ENTREP2: variants seen among roughly 807,000 people sequenced by gnomAD.
ENTREP2 encodes the protein endosomal transmembrane epsin interactor 2.
At chr15:29,197,697 C>T in the ENTREP2 span, among the ~76,000 whole-genome samples, 52 of 150,802 alleles carry the variant, frequency 3.4e-4, 1 homozygote, top group South Asian at 0.01. Flanking sequence ...ACCCAGGATG[C>T]GGAGGTTGCA....
At chr15:29,620,247 A>T in the ENTREP2 span, among the ~76,000 whole-genome samples, 1 of 152,122 alleles carries the variant, frequency 6.6e-6, no homozygotes, top group East Asian at 1.9e-4. Flanking sequence ...GGTGAATTGC[A>T]GGAGAAGCTG....
chr15:29,137,063 G>A, the ENTREP2 span: 2 of 1,453,902 alleles, frequency 1.4e-6, no homozygotes, highest in Non-Finnish European at 1.8e-6. Context: ...GTGTGCAGGT[G>A]TACTCTGGGG....
chr15:29,210,211 A>G, the ENTREP2 span, among the ~76,000 whole-genome samples: 1 of 152,162 alleles, frequency 6.6e-6, no homozygotes, highest in Non-Finnish European at 1.5e-5. Context: ...CCTGCCCTAA[A>G]TCATCCCAGG....
chr15:29,229,145 AG>A, the ENTREP2 span, among the ~76,000 whole-genome samples: 11 of 152,186 alleles, frequency 7.2e-5, no homozygotes, highest in African/African-American at 2.7e-4. Context: ...ATTTTTAAAA[AG>A]CTTTAGTGTT....
At chr15:29,125,204 T>C in the ENTREP2 span, among the ~76,000 whole-genome samples, 1 of 152,212 alleles carries the variant, frequency 6.6e-6, no homozygotes, top group Non-Finnish European at 1.5e-5. Flanking sequence ...AGTGGACCCA[T>C]GAGCCCCTCC....
the ENTREP2 span, among the ~76,000 whole-genome samples, chr15:29,657,484 G>GGGGGGGC: frequency 8.2e-5 from 1 of 12,140 alleles, no homozygotes; most frequent in Non-Finnish European, 1.9e-4. Context: ...CTGGGGGGGC[G>GGGGGGGC]GGGGGGGGGG....
chr15:29,603,474 G>A, the ENTREP2 span, among the ~76,000 whole-genome samples: 164 of 152,206 alleles, frequency 1.1e-3, no homozygotes, highest in Admixed American at 1.8e-3. Flanking sequence ...AAACAGAAAA[G>A]AACCTGCAAA....
the ENTREP2 span, among the ~76,000 whole-genome samples, chr15:29,531,866 A>G: frequency 6.6e-6 from 1 of 152,150 alleles, no homozygotes; most frequent in East Asian, 1.9e-4. Context: ...GGGTTTCACT[A>G]TGTTGGCCAG....
chr15:29,245,960 G>A, the ENTREP2 span, among the ~76,000 whole-genome samples: 32 of 152,272 alleles, frequency 2.1e-4, no homozygotes, highest in South Asian at 4.1e-4. Context: ...TCTGACTGCA[G>A]GGACGGTCTT....
chr15:29,372,562 C>T, the ENTREP2 span, among the ~76,000 whole-genome samples: 1 of 152,058 alleles, frequency 6.6e-6, no homozygotes, highest in African/African-American at 2.4e-5. Context: ...CTCTATATCC[C>T]CATCTCTAAA....
the ENTREP2 span, among the ~76,000 whole-genome samples, chr15:29,202,342 T>A: frequency 5.1e-3 from 777 of 152,274 alleles, 9 homozygotes; most frequent in African/African-American, 0.017. Flanking sequence ...AGTTTCTTTT[T>A]TTAATTTTAT....
the ENTREP2 span, among the ~76,000 whole-genome samples, chr15:29,309,642 T>C: frequency 8.5e-6 from 1 of 118,184 alleles, no homozygotes; most frequent in Non-Finnish European, 1.6e-5. Flanking sequence ...TACAAAAAAT[T>C]AGTCGTGTGT....
At chr15:29,657,360 T>C in the ENTREP2 span, among the ~76,000 whole-genome samples, 1 of 150,470 alleles carries the variant, frequency 6.6e-6, no homozygotes, top group Non-Finnish European at 1.5e-5. Context: ...GACGGCAGTG[T>C]TACAGTTCTT....
At chr15:29,332,972 A>C in the ENTREP2 span, among the ~76,000 whole-genome samples, 455 of 152,100 alleles carry the variant, frequency 3.0e-3, no homozygotes, top group Non-Finnish European at 4.6e-3. Context: ...AAAAAAAAAA[A>C]AAAAAACCCT....
the ENTREP2 span, among the ~76,000 whole-genome samples, chr15:29,125,090 C>G: frequency 2.6e-5 from 4 of 152,208 alleles, no homozygotes; most frequent in Admixed American, 2.6e-4. Context: ...GCGTGCACAT[C>G]AGCCTAGCCA....
the ENTREP2 span, chr15:29,124,900 G>C: frequency 4.1e-6 from 3 of 733,976 alleles, no homozygotes; most frequent in African/African-American, 1.7e-5. Context: ...CCCACCGAGC[G>C]GCAGATCAGA....
At chr15:29,160,378 G>C in the ENTREP2 span, among the ~76,000 whole-genome samples, 11 of 152,148 alleles carry the variant, frequency 7.2e-5, no homozygotes, top group Non-Finnish European at 1.6e-4. Flanking sequence ...TGGGAGCCCA[G>C]GCAGAGGAGG....
chr15:29,658,070 G>T, the ENTREP2 span, among the ~76,000 whole-genome samples: 1 of 152,232 alleles, frequency 6.6e-6, no homozygotes, highest in South Asian at 2.1e-4. Context: ...ATATGGTTTG[G>T]CTGTGTTCTC....
At chr15:29,438,788 A>C in the ENTREP2 span, among the ~76,000 whole-genome samples, 1 of 152,144 alleles carries the variant, frequency 6.6e-6, no homozygotes, top group Non-Finnish European at 1.5e-5. Flanking sequence ...TTTTGTTAAC[A>C]CCCGTAAGGG....
Sources: allele counts gnomAD v4.1 joint callset (sites outside exome capture counted in the v4.1 genomes callset), GRCh38; gene constraint gnomAD v4.1.1; transcripts MANE v1.5; gene names NCBI Gene and HGNC (gene_info 2026-07-23, HGNC 2026-07-21).